The following ETV6 variants were observed in gnomAD, a reference collection of about 807,000 sequenced individuals.
ETV6 encodes ETS variant transcription factor 6.
A neutral mutation model predicts 51.1 loss-of-function variants in ETV6; 16 were observed. The ratio of observed to expected loss-of-function variants is 0.31; its 90% confidence interval spans 0.21 to 0.48. The LOEUF is 0.48. ETV6 is among the 20% of genes least tolerant of loss of function. The probability of loss-of-function intolerance (pLI) is 0.99; values close to 1 mark genes in which losing one functional copy is unlikely to be tolerated. For synonymous variants in ETV6, 240 were observed against 224.1 expected (o/e 1.07, Z -0.64); for missense variants, 458 against 594.8 (o/e 0.77, Z 2.39).
chr12:11,791,614 TG>T (rs2136387468), intron 2 of ETV6, among the ~76,000 whole-genome samples: 1 of 152,338 alleles, frequency 6.6e-6, no homozygotes, highest in Admixed American at 6.5e-5. Context: ...ATATCTCCTT[TG>T]TTACAAGAAA....
intron 2 of ETV6, among the ~76,000 whole-genome samples, chr12:11,828,852 T>G (rs1946199995): frequency 6.6e-6 from 1 of 152,214 alleles, no homozygotes; most frequent in East Asian, 1.9e-4. Context: ...ACCATACATT[T>G]TCTGCATTAA....
At position 11,891,638 on chromosome 12, in the gene ETV6, G is replaced by A; in HGVS notation, c.*592G>A. 1 of 527,746 alleles carries A rather than the reference G, an allele frequency of 1.9e-6. No homozygotes were observed. The highest frequency in any genetic ancestry group is 3.7e-6 in the Non-Finnish European group (1 of 273,420). The allele number at this position is 527,746 out of a possible 1,614,324, so 32.7% of individuals were successfully genotyped here. A position where few individuals can be genotyped will look rare whatever the true frequency, so the allele number is the denominator to read the frequency against. ...GCTTTTAAAAAAGATAAAATGAAAA[G>A]GAGAGCTCTCTTTTTCTCTCTCTTG... On this transcript the variant is annotated 3_prime_UTR_variant, in exon 8 of 8. Transcript: ENST00000396373.
At chr12:11,874,614 GTACACACA>G (rs1278562068) in intron 5 of ETV6, among the ~76,000 whole-genome samples, 689 of 5,362 alleles carry the variant, frequency 0.13, 141 homozygotes, top group East Asian at 0.67. Context: ...ATGTGCGTGT[GTACACACA>G]TATGTGTATG....
At chr12:11,811,928 T>G (rs529495367) in intron 2 of ETV6, among the ~76,000 whole-genome samples, 2 of 152,270 alleles carry the variant, frequency 1.3e-5, no homozygotes, top group South Asian at 4.1e-4. Context: ...GGCAGAGAAC[T>G]GGAAAGCTGA....
intron 7 of ETV6, among the ~76,000 whole-genome samples, chr12:11,886,582 C>A (rs989727908): frequency 6.6e-6 from 1 of 151,980 alleles, no homozygotes; most frequent in South Asian, 2.1e-4. Context: ...TGTGTATGTA[C>A]GTGATGAGTC....
intron 5 of ETV6, among the ~76,000 whole-genome samples, chr12:11,882,535 C>T (rs1001208188): frequency 6.6e-6 from 1 of 152,212 alleles, no homozygotes; most frequent in African/African-American, 2.4e-5. Flanking sequence ...CAGCACCTGC[C>T]TCATAAGGCG....
chr12:11,892,420 C>G lies in ETV6; in HGVS notation c.*1374C>G, dbSNP rs1446029183. ...TCTCAGAAAGGACCCATTTGTGGCT[C>G]TTTTTCACCTCAAAATAAGATCGAT... On this transcript the variant is annotated 3_prime_UTR_variant, in exon 8 of 8. Coordinates refer to ENST00000396373, the MANE Select transcript of ETV6 (RefSeq NM_001987.5). 1.3e-5 allele frequency: 3 copies of G among 232,316 alleles called. No homozygotes were observed. Among genetic ancestry groups the G allele is most frequent in the Non-Finnish European group, 2.5e-5 (3 of 117,898 alleles). The allele number at this position is 232,316 out of a possible 1,614,324, so 14.4% of individuals were successfully genotyped here.
In ETV6 at chr12:11,841,808, C is replaced by A. The variant is rs547427475; in HGVS notation, c.328+2504C>A. On this transcript the variant is annotated intron_variant, in intron 3 of 7. Transcript: ENST00000396373. ...TGTTAAGAAGGAGATGTAGGCCGGG[C>A]GCGGTGGCTCACGCCTGTAATCCCA... Among the ~76,000 whole-genome samples the A allele has an allele frequency of 2.8e-3, 422 of 152,194 alleles. 1 individual carries two copies. The highest frequency in any genetic ancestry group is 4.9e-3 in the Non-Finnish European group (334 of 67,992).
chr12:11,665,703 CTG>C (rs1356475938), intron 1 of ETV6, among the ~76,000 whole-genome samples: 1 of 152,182 alleles, frequency 6.6e-6, no homozygotes, highest in African/African-American at 2.4e-5. Context: ...AGCAAATACT[CTG>C]TGAGGGTTGA....
chr12:11,754,901 G>A (rs540501098), intron 2 of ETV6, among the ~76,000 whole-genome samples: 1 of 152,198 alleles, frequency 6.6e-6, no homozygotes, highest in Non-Finnish European at 1.5e-5. Flanking sequence ...TACCTGTCAG[G>A]TAGGTCTTCT....
At chr12:11,661,527 A>G (rs1183205783) in intron 1 of ETV6, among the ~76,000 whole-genome samples, 2 of 152,216 alleles carry the variant, frequency 1.3e-5, no homozygotes, top group South Asian at 4.1e-4. Context: ...TTTTGGGGAT[A>G]AAGTCTGGGT....
intron 1 of ETV6, among the ~76,000 whole-genome samples, chr12:11,684,523 A>G (rs1436971113): frequency 6.6e-6 from 1 of 152,258 alleles, no homozygotes; most frequent in African/African-American, 2.4e-5. Context: ...TGAGAACAGT[A>G]TAATGAATTA....
chr12:11,845,991 CAAAAA>C (rs60730342), intron 3 of ETV6, among the ~76,000 whole-genome samples: 4 of 118,066 alleles, frequency 3.4e-5, no homozygotes, highest in Admixed American at 8.7e-5. Context: ...GACTCCGTCT[CAAAAA>C]AAAAAAAAAG....
chr12:11,797,828 A>C (rs1221945119), intron 2 of ETV6, among the ~76,000 whole-genome samples: 2 of 152,260 alleles, frequency 1.3e-5, no homozygotes, highest in Non-Finnish European at 2.9e-5. Flanking sequence ...CAAATCTCTC[A>C]TACCAGAGAA....
intron 6 of ETV6, 135 bp downstream of exon 6, chr12:11,884,722 G>A (rs1243879120): frequency 9.2e-7 from 1 of 1,086,808 alleles, no homozygotes; most frequent in Non-Finnish European, 1.3e-6. Context: ...TGCTGGGCAA[G>A]CAATTAGGCA....
At chr12:11,667,253 A>G (rs761051967) in intron 1 of ETV6, among the ~76,000 whole-genome samples, 85 of 152,312 alleles carry the variant, frequency 5.6e-4, no homozygotes, top group African/African-American at 9.9e-4. Context: ...TTAAGCTTCT[A>G]TTATGGACTT....
intron 1 of ETV6, among the ~76,000 whole-genome samples, chr12:11,695,628 GCAACATGC>G (rs1303179364): frequency 2.0e-5 from 3 of 152,222 alleles, no homozygotes. Context: ...TGTTAGTTCT[GCAACATGC>G]AGAGTCAGAT....
intron 1 of ETV6, among the ~76,000 whole-genome samples, chr12:11,738,373 G>A (rs1418921314): frequency 6.7e-6 from 1 of 148,598 alleles, no homozygotes; most frequent in Non-Finnish European, 1.5e-5. Flanking sequence ...CTGGAGTGCA[G>A]TGGCGCAGTC....
At chr12:11,739,935 T>C (rs370154039) in intron 1 of ETV6, among the ~76,000 whole-genome samples, 3 of 152,236 alleles carry the variant, frequency 2.0e-5, no homozygotes, top group East Asian at 1.9e-4. Context: ...GTCATAATTT[T>C]TCCCGTTGTG....
Sources: allele counts gnomAD v4.1 joint callset (sites outside exome capture counted in the v4.1 genomes callset), GRCh38; gene constraint gnomAD v4.1.1; transcripts MANE v1.5; gene names NCBI Gene and HGNC (gene_info 2026-07-23, HGNC 2026-07-21).